The following GRID2 variants were observed in gnomAD, a reference collection of about 807,000 sequenced individuals.
The protein encoded by GRID2 is glutamate receptor ionotropic, delta-2.
GRID2 carries 33 observed loss-of-function variants against 114.8 expected under a neutral mutation model. That is an observed-to-expected ratio of 0.29 (90% CI 0.22 to 0.38). The LOEUF is 0.38. Ranked by LOEUF, GRID2 falls within the 10% of genes least tolerant of loss-of-function variation. The pLI is 1.00. For synonymous variants in GRID2, 505 were observed against 449.9 expected, an observed-to-expected ratio of 1.12 and a Z score of -1.55; for missense variants, 1,184 against 1,257.7, an observed-to-expected ratio of 0.94 and a Z score of 0.89.
chr4:93,701,586 C>A (rs1262786254), intron 14 of GRID2, among the ~76,000 whole-genome samples: 1 of 152,130 alleles, frequency 6.6e-6, no homozygotes, highest in Non-Finnish European at 1.5e-5. Context: ...TTACAATTTA[C>A]ATTATCTTGA....
intron 2 of GRID2, among the ~76,000 whole-genome samples, chr4:93,006,913 AAAC>A (rs931937671): frequency 9.9e-5 from 15 of 152,134 alleles, no homozygotes; most frequent in African/African-American, 2.6e-4. Flanking sequence ...AGCAACCAAG[AAAC>A]AACAACAACA....
chr4:93,069,788 T>C (rs557003135), intron 2 of GRID2, among the ~76,000 whole-genome samples: 1 of 152,186 alleles, frequency 6.6e-6, no homozygotes, highest in East Asian at 1.9e-4. Flanking sequence ...AAATGACTTT[T>C]GCCCAAGCAC....
chr4:93,632,281 A>G lies in GRID2; in HGVS notation c.2360+5846A>G, dbSNP rs142521255. The stretch of plus-strand genomic sequence containing the variant: ...ATTGCTTTTGGTGTTTTAGATATGA[A>G]GTCCTTGCCCAGGCCTACGTCCTGA... On this transcript the variant is annotated intron_variant, in intron 14 of 15. Transcript: ENST00000282020. 9.8e-3 allele frequency among the ~76,000 whole-genome samples: 1,488 copies of G among 152,244 alleles called. 23 individuals carry two copies. Among genetic ancestry groups the G allele is most frequent in the African/African-American group, 0.034 (1,415 of 41,532 alleles).
At chr4:93,146,607 G>T (rs1736284125) in intron 4 of GRID2, among the ~76,000 whole-genome samples, 1 of 149,718 alleles carries the variant, frequency 6.7e-6, no homozygotes, top group Admixed American at 6.6e-5. Context: ...GAGAAAGGAG[G>T]AGAGAGAGAG....
At chr4:92,644,502 G>T (rs867900056) in intron 2 of GRID2, among the ~76,000 whole-genome samples, 36 of 151,758 alleles carry the variant, frequency 2.4e-4, no homozygotes, top group Non-Finnish European at 4.6e-4. Flanking sequence ...AGCTTTTGAT[G>T]TTATGGCTAT....
chr4:92,959,945 G>A (rs1276849683), intron 2 of GRID2, among the ~76,000 whole-genome samples: 1 of 151,788 alleles, frequency 6.6e-6, no homozygotes, highest in Non-Finnish European at 1.5e-5. Context: ...CATGGCACAT[G>A]TGTACCTATG....
Position 93,216,782 on chromosome 4 carries a change from T to G in GRID2, c.834T>G (p.Ile278Met). 1 of 1,612,642 alleles carries G rather than the reference T, an allele frequency of 6.2e-7. No individual in the cohort carries two copies. Residue 278 changes from isoleucine to methionine, a missense_variant, in exon 6 of 16, where the codon ATT becomes ATG. Ile to Met is a conservative substitution (Grantham distance 10). This residue lies in a region of GRID2 where 455 missense variants were observed against 429.5 expected (regional missense o/e 1.06). Coordinates refer to ENST00000282020, the MANE Select transcript of GRID2 (RefSeq NM_001510.4). ...VDVQELVRRS[I>M]GRLTIIRQTF... ...TACAGGAACTTGTAAGAAGGTCAAT[T>G]GGAAGGTTAACGATTATTCGGCAGA...
At chr4:93,430,847 T>A (rs962859096) in intron 10 of GRID2, among the ~76,000 whole-genome samples, 1 of 152,156 alleles carries the variant, frequency 6.6e-6, no homozygotes. Context: ...GTAGTAATTA[T>A]CTAGGTAAAG....
intron 2 of GRID2, among the ~76,000 whole-genome samples, chr4:92,655,361 G>A (rs1242606585): frequency 6.6e-6 from 1 of 151,730 alleles, no homozygotes; most frequent in Non-Finnish European, 1.5e-5. Flanking sequence ...TTGGCTATTT[G>A]AGCCTTTTGT....
intron 8 of GRID2, among the ~76,000 whole-genome samples, chr4:93,300,697 C>T (rs184507576): frequency 9.3e-4 from 141 of 152,310 alleles, no homozygotes; most frequent in African/African-American, 3.3e-3. Context: ...ACCTCTCAGA[C>T]ACCGAGTTGT....
chr4:92,906,518 T>C (rs1404490431), intron 2 of GRID2, among the ~76,000 whole-genome samples: 1 of 152,212 alleles, frequency 6.6e-6, no homozygotes, highest in Non-Finnish European at 1.5e-5. Context: ...GGAAACTTCA[T>C]AGAGCTCTCT....
chr4:93,331,959 C>T (rs1758511168), intron 8 of GRID2, among the ~76,000 whole-genome samples: 1 of 152,036 alleles, frequency 6.6e-6, no homozygotes, highest in Non-Finnish European at 1.5e-5. Context: ...TCTCTAATAG[C>T]TTTCATTTTA....
chr4:93,801,392 T>C (rs929483704), intron 1 of GRID2, among the ~76,000 whole-genome samples: 1 of 152,216 alleles, frequency 6.6e-6, no homozygotes, highest in Admixed American at 6.5e-5. Flanking sequence ...TCTTATTTTC[T>C]TTTTTTATTT....
intron 2 of GRID2, among the ~76,000 whole-genome samples, chr4:93,069,960 T>C (rs1426476986): frequency 6.6e-6 from 1 of 152,100 alleles, no homozygotes; most frequent in South Asian, 2.1e-4. Flanking sequence ...TTGTTGGTTG[T>C]TTCAGTTTTT....
intron 4 of GRID2, among the ~76,000 whole-genome samples, chr4:93,143,127 T>G (rs1735914482): frequency 6.6e-6 from 1 of 152,300 alleles, no homozygotes; most frequent in Middle Eastern, 3.4e-3. Context: ...CTGTAGAAGT[T>G]TATCTAAGAA....
chr4:92,616,866 T>C (rs1730027713), intron 2 of GRID2, among the ~76,000 whole-genome samples: 1 of 151,550 alleles, frequency 6.6e-6, no homozygotes, highest in African/African-American at 2.4e-5. Context: ...AATCATTCTC[T>C]GCTAAATCTT....
chr4:93,155,972 T>C (rs1310175408), intron 4 of GRID2, among the ~76,000 whole-genome samples: 3 of 151,584 alleles, frequency 2.0e-5, no homozygotes, highest in Admixed American at 6.6e-5. Flanking sequence ...AAGAGTAGAA[T>C]TGGAATATTC....
intron 4 of GRID2, among the ~76,000 whole-genome samples, chr4:93,128,323 A>C (rs2149371714): frequency 6.6e-6 from 1 of 152,272 alleles, no homozygotes; most frequent in Non-Finnish European, 1.5e-5. Flanking sequence ...TAAATGGATT[A>C]ATTTTAGTGT....
At chr4:93,656,066 G>A (rs2149728735) in intron 14 of GRID2, among the ~76,000 whole-genome samples, 1 of 151,452 alleles carries the variant, frequency 6.6e-6, no homozygotes, top group East Asian at 1.9e-4. Context: ...ATATATAAAT[G>A]TATCTTCAGT....
Sources: gnomAD v4.1 joint callset for allele counts (sites outside exome capture counted in the v4.1 genomes callset) on GRCh38, gnomAD v4.1.1 for gene constraint, gnomAD v4.1.1 regional missense constraint, MANE v1.5 for transcripts, NCBI Gene and HGNC (gene_info 2026-07-23, HGNC 2026-07-21) for gene names.